The following TMEM223 variants were observed in gnomAD, a reference collection of about 807,000 sequenced individuals.
The protein encoded by TMEM223 is transmembrane protein 223.
Under a neutral mutation model 14.1 loss-of-function variants are expected in TMEM223, and 14 were observed. The observed-to-expected ratio is 0.99, with a 90% confidence interval of 0.66 to 1.55. TMEM223 has a LOEUF of 1.55. Among genes scored for constraint, TMEM223 ranks in the 40% most tolerant of loss-of-function variants. TMEM223 has a pLI of 0.00. For missense variants in TMEM223, 346 were observed against 269.9 expected (o/e 1.28, Z -1.97); for synonymous variants, 145 against 120.5 (o/e 1.20, Z -1.33).
Position 62,791,726 on chromosome 11 carries a change from C to T in TMEM223, c.269G>A (p.Arg90His), listed in dbSNP as rs1045943927. The T allele has an allele frequency of 1.3e-6, 2 of 1,555,588 alleles. No individual in the cohort carries two copies. Among genetic ancestry groups the T allele is most frequent in the South Asian group, 2.4e-5 (2 of 84,542 alleles). ...EVPNRGPFDL[R>H]SALWRYGLAV... ...CAGACCGTAGCGCCAGAGCGCGGAG[C>T]GCAGGTCGAAGGGGCCACGATTTGG... Residue 90 changes from arginine to histidine, a missense_variant, in exon 1 of 2, where the codon CGC becomes CAC. Arg to His is a conservative substitution (Grantham distance 29, BLOSUM62 0). Transcript: ENST00000307366.
rs2084343338 is a variant in TMEM223, at chr11:62,790,184, C to T, written c.*439G>A. On this transcript the variant is annotated 3_prime_UTR_variant, in exon 2 of 2. Transcript: ENST00000307366. The stretch of plus-strand genomic sequence containing the variant: ...GTGGGGGGGAAACATAATGACAGGC[C>T]CCCCTCCACCTCTTCCTGCAGCTGT... The T allele has an allele frequency of 4.4e-6, 4 of 908,602 alleles. No individual in the cohort carries two copies. The highest frequency in any genetic ancestry group is 3.4e-5 in the African/African-American group (2 of 59,384). 56.3% of individuals were successfully genotyped at this position (908,602 alleles called of 1,614,324 possible). A position where few individuals can be genotyped will look rare whatever the true frequency, so the allele number is the denominator to read the frequency against.
intron 1 of TMEM223, chr11:62,782,368 C>G (rs1166739898): frequency 1.2e-6 from 2 of 1,600,632 alleles, no homozygotes; most frequent in African/African-American, 1.3e-5. Flanking sequence ...GGTGGGATTG[C>G]TGCAGAGCCA....
At chr11:62,789,481 G>T, downstream of TMEM223, 1 of 1,610,922 alleles carries the variant, frequency 6.2e-7, no homozygotes, top group Non-Finnish European at 8.5e-7. Flanking sequence ...CCTCTGCAGC[G>T]GGGTCCTATA....
At position 62,790,101 on chromosome 11, in the gene TMEM223, A is replaced by G. The variant is rs898542987; in HGVS notation, c.*522T>C. ...AAGACTCCATGCCCAAGTGCCTGTA[A>G]TCCCCCCCCTCAAGGCCCTGTTTAT... On this transcript the variant is annotated 3_prime_UTR_variant, in exon 2 of 2. Coordinates refer to ENST00000307366, the MANE Select transcript of TMEM223 (RefSeq NM_001080501.3). 4.6e-5 allele frequency: 68 copies of G among 1,468,066 alleles called. No individual in the cohort carries two copies. Among genetic ancestry groups the G allele is most frequent in the Non-Finnish European group, 6.0e-5 (66 of 1,105,814 alleles). 90.9% of individuals were successfully genotyped at this position (1,468,066 alleles called of 1,614,324 possible).
At chr11:62,782,041 C>T in intron 1 of TMEM223, 1 of 1,592,554 alleles carries the variant, frequency 6.3e-7, no homozygotes, top group Non-Finnish European at 8.6e-7. Context: ...GGGCTCATGG[C>T]AAGTGCTGTC....
downstream of TMEM223, chr11:62,789,816 GGT>G: frequency 6.4e-7 from 1 of 1,569,184 alleles, no homozygotes; most frequent in South Asian, 1.2e-5. Flanking sequence ...AGTTCAGAGT[GGT>G]GTGTGGGTGG....
At chr11:62,776,602 G>C (rs570174307) in intron 1 of TMEM223, 2 of 872,398 alleles carry the variant, frequency 2.3e-6, no homozygotes, top group African/African-American at 3.4e-5. Context: ...TGTAATCCCA[G>C]CACTTTGGGA....
chr11:62,778,799 G>A lies in TMEM223; in HGVS notation c.315-4134C>T, dbSNP rs2084205640. ...GTGTGTGGGGATGGTGGTTGAGGGGGAGGAGGCTGGAGAGGCCAGGAGAGG... is the reference window on the plus strand; with the variant it reads ...GTGTGTGGGGATGGTGGTTGAGGGGAAGGAGGCTGGAGAGGCCAGGAGAGG... On this transcript the variant is annotated intron_variant, in intron 1 of 2. Coordinates refer to the TMEM223 transcript ENST00000528367. 2.5e-5 allele frequency: 33 copies of A among 1,294,530 alleles called. No individual in the cohort carries two copies. In the South Asian group the frequency reaches 2.7e-4, roughly 11 times the overall value. The allele number at this position is 1,294,530 out of a possible 1,614,324, so 80.2% of individuals were successfully genotyped here.
chr11:62,787,399 G>A (rs780145518), downstream of TMEM223: 1 of 1,555,804 alleles, frequency 6.4e-7, no homozygotes, highest in Admixed American at 1.9e-5. Flanking sequence ...GCGGGGTGCT[G>A]CTGCAGCGGC....
At chr11:62,774,450 A>G (rs951925137) in intron 2 of TMEM223, 5 of 390,780 alleles carry the variant, frequency 1.3e-5, no homozygotes, top group African/African-American at 8.3e-5. Flanking sequence ...ATAGCTGTCC[A>G]TTGGATGTAG....
downstream of TMEM223, chr11:62,787,506 CGCGGCGATGACTCGGACCCAGGTGCGGCT>C (rs1270459143): frequency 2.5e-6 from 4 of 1,576,788 alleles, no homozygotes; most frequent in Admixed American, 6.9e-5. Flanking sequence ...CCGTGGCGGC[CGCGGCGATGACTCGGACCCAGGTGCGGCT>C]GCGGGGCGGG....
intron 1 of TMEM223, among the ~76,000 whole-genome samples, chr11:62,791,259 C>T (rs1326254594): frequency 6.6e-6 from 1 of 151,928 alleles, no homozygotes; most frequent in African/African-American, 2.4e-5. Context: ...ATCACTGTTT[C>T]CCAATTTTTT....
In TMEM223 at chr11:62,790,039, C is replaced by G; in HGVS notation, c.*584G>C. The G allele has an allele frequency of 1.2e-6, 2 of 1,610,052 alleles. No homozygotes were observed. Among genetic ancestry groups the G allele is most frequent in the Non-Finnish European group, 1.7e-6 (2 of 1,177,978 alleles). On this transcript the variant is annotated 3_prime_UTR_variant, in exon 2 of 2. Coordinates refer to ENST00000307366, the MANE Select transcript of TMEM223 (RefSeq NM_001080501.3). Reference sequence around the variant, plus strand: ...TGCTCTCGTTGGGTCACGCCTTTCCCATTCCTGAAGAATAAGCGGAGTGCT... The same window carrying G: ...TGCTCTCGTTGGGTCACGCCTTTCCGATTCCTGAAGAATAAGCGGAGTGCT...
chr11:62,783,057 G>A (rs1167750609), downstream of TMEM223, among the ~76,000 whole-genome samples: 4 of 152,082 alleles, frequency 2.6e-5, no homozygotes, highest in Non-Finnish European at 4.4e-5. Flanking sequence ...ATTCCTGCCC[G>A]TTCTATATTA....
At chr11:62,775,966 C>A (rs1427510966) in intron 1 of TMEM223, 4 of 1,570,802 alleles carry the variant, frequency 2.5e-6, no homozygotes, top group African/African-American at 2.7e-5. Flanking sequence ...CTCCAACTTT[C>A]CTTGTTTCTG....
intron 2 of TMEM223, among the ~76,000 whole-genome samples, chr11:62,772,452 G>A (rs1291588373): frequency 6.6e-6 from 1 of 151,766 alleles, no homozygotes; most frequent in Non-Finnish European, 1.5e-5. Flanking sequence ...GAACCAGGGA[G>A]GCAGAGGTTG....
intron 1 of TMEM223, 115 bp from the exon 2 acceptor site, chr11:62,791,030 C>CTT: frequency 3.9e-5 from 41 of 1,046,290 alleles, no homozygotes; most frequent in African/African-American, 2.0e-4. Context: ...TTACTGAGCG[C>CTT]TTTTTTTTTT....
chr11:62,787,842 A>C, downstream of TMEM223: 1 of 645,362 alleles, frequency 1.5e-6, no homozygotes. Context: ...GTCAGTGCAG[A>C]ACCTGCGTCC....
At chr11:62,787,917 A>G (rs2084307680), downstream of TMEM223, 1 of 511,930 alleles carries the variant, frequency 2.0e-6, no homozygotes, top group Non-Finnish European at 3.8e-6. Context: ...TGTAGTGGAG[A>G]TGATCAAGCT....
Sources: allele counts gnomAD v4.1 joint callset (sites outside exome capture counted in the v4.1 genomes callset), GRCh38; gene constraint gnomAD v4.1.1; transcripts MANE v1.5; gene names NCBI Gene and HGNC (gene_info 2026-07-23, HGNC 2026-07-21).